Variants in KATNBL1 observed in about 807,000 individuals in gnomAD.
KATNBL1 encodes the protein KATNB1-like protein 1.
KATNBL1 carries 28 observed loss-of-function variants against 44.7 expected under a neutral mutation model. That is an observed-to-expected ratio of 0.63 (90% CI 0.46 to 0.86). The LOEUF (loss-of-function observed/expected upper bound fraction) is 0.86, where lower values mean the gene tolerates loss of function less well. Among genes scored for constraint, KATNBL1 ranks in the 40% least tolerant of loss-of-function variants. The pLI is 0.00. For synonymous variants in KATNBL1, 78 were observed against 114.9 expected (o/e 0.68, Z 2.06); for missense variants, 272 against 350.7 (o/e 0.78, Z 1.79).
intron 1 of KATNBL1, among the ~76,000 whole-genome samples, chr15:34,181,866 TATCC>T (rs1227323423): frequency 1.0e-4 from 12 of 119,794 alleles, no homozygotes; most frequent in African/African-American, 3.5e-4. Flanking sequence ...CATATATATA[TATCC>T]ATATATATAT....
chr15:34,184,468 AGAGT>A (rs1471949601), intron 1 of KATNBL1, among the ~76,000 whole-genome samples: 5 of 149,720 alleles, frequency 3.3e-5, no homozygotes, highest in African/African-American at 4.9e-5. Context: ...CCTGGGCAAC[AGAGT>A]GAGATTCCAT....
chr15:34,142,221 A>C lies in KATNBL1; in HGVS notation c.*118T>G. On this transcript the variant is annotated 3_prime_UTR_variant, in exon 10 of 10. Coordinates refer to ENST00000256544, the MANE Select transcript of KATNBL1 (RefSeq NM_024713.3). Reference sequence around the variant, plus strand: ...TTCATTACGTGGCTTTTTAAAAGAAAAAATAGTTTTGATTTCTTCCACAGT... The same window carrying C: ...TTCATTACGTGGCTTTTTAAAAGAACAAATAGTTTTGATTTCTTCCACAGT... 4 of 1,075,218 alleles carry C rather than the reference A, an allele frequency of 3.7e-6. No individual in the cohort carries two copies. Among genetic ancestry groups the C allele is most frequent in the Non-Finnish European group, 5.0e-6 (4 of 799,422 alleles). The allele number at this position is 1,075,218 out of a possible 1,614,324, so 66.6% of individuals were successfully genotyped here.
At chr15:34,178,617 G>A (rs567811527) in intron 1 of KATNBL1, among the ~76,000 whole-genome samples, 19 of 152,196 alleles carry the variant, frequency 1.2e-4, no homozygotes, top group African/African-American at 4.3e-4. Context: ...TTAGCCAGGT[G>A]TGGTGGTGGG....
intron 1 of KATNBL1, among the ~76,000 whole-genome samples, chr15:34,177,190 G>C (rs1385845115): frequency 6.6e-6 from 1 of 152,186 alleles, no homozygotes; most frequent in African/African-American, 2.4e-5. Context: ...TACAGTGTTT[G>C]CTAATACCCT....
Position 34,163,592 on chromosome 15 carries a change from T to A in KATNBL1, c.85A>T (p.Ile29Phe). The A allele has an allele frequency of 6.3e-7, 1 of 1,597,442 alleles. No individual in the cohort carries two copies. The highest frequency in any genetic ancestry group is 1.2e-5 in the South Asian group (1 of 86,924). Residue 29 changes from isoleucine to phenylalanine, a missense_variant, in exon 2 of 10, where the codon ATC (isoleucine) becomes TTC (phenylalanine). This residue lies in a region of KATNBL1 where 122 missense variants were observed against 125.0 expected (regional missense o/e 0.98). Transcript: ENST00000256544. ...DHFIDLPRKK[I>F]SNFTNKNMKE... ...ATGTTCTTATTAGTGAAATTAGAGA[T>A]CTTTTTTCTAGGAAGATCAATGAAA...
At chr15:34,165,263 C>G (rs1888930218) in intron 1 of KATNBL1, among the ~76,000 whole-genome samples, 1 of 151,942 alleles carries the variant, frequency 6.6e-6, no homozygotes, top group East Asian at 1.9e-4. Flanking sequence ...TTAAATGAGG[C>G]TAGAGATAGA....
rs919586746 is a variant in KATNBL1, at chr15:34,148,574, C to T, written c.557+58G>A. 10 of 1,014,210 alleles carry T rather than the reference C, an allele frequency of 9.9e-6. No homozygotes were observed. The African/African-American group carries it at 1.6e-4, about 16-fold the overall frequency. The allele number at this position is 1,014,210 out of a possible 1,614,324, so 62.8% of individuals were successfully genotyped here. ...CTGTACTCCAACTTGGATGACAAAG[C>T]AAGAACTTGTCTCAGAAAAAAAGTG... On this transcript the variant is annotated intron_variant, in intron 5 of 9. Transcript: ENST00000256544.
At chr15:34,189,027 C>T (rs866912265) in intron 1 of KATNBL1, among the ~76,000 whole-genome samples, 5 of 152,256 alleles carry the variant, frequency 3.3e-5, no homozygotes, top group South Asian at 2.1e-4. Flanking sequence ...GAATTTCATA[C>T]AACCTGGAAC....
At chr15:34,150,712 A>T (rs1888443481) in intron 4 of KATNBL1, among the ~76,000 whole-genome samples, 1 of 152,330 alleles carries the variant, frequency 6.6e-6, no homozygotes, top group Admixed American at 6.5e-5. Context: ...CACACAGGTA[A>T]TAAGCATAGT....
chr15:34,179,533 T>C (rs1210765445), intron 1 of KATNBL1, among the ~76,000 whole-genome samples: 2 of 152,114 alleles, frequency 1.3e-5, no homozygotes, highest in African/African-American at 4.8e-5. Context: ...TAAAGTCTCA[T>C]AGGTTGCCCA....
At chr15:34,198,906 TG>T (rs1219392623) in intron 1 of KATNBL1, among the ~76,000 whole-genome samples, 1 of 152,224 alleles carries the variant, frequency 6.6e-6, no homozygotes, top group Non-Finnish European at 1.5e-5. Flanking sequence ...CTGTTGACCT[TG>T]CTAGTTTTGT....
chr15:34,189,947 C>T (rs377699802), intron 1 of KATNBL1, among the ~76,000 whole-genome samples: 2,991 of 141,942 alleles, frequency 0.021, 49 homozygotes, highest in Non-Finnish European at 0.033. Flanking sequence ...GAAGTACATT[C>T]TTTTTTTTTT....
intron 1 of KATNBL1, among the ~76,000 whole-genome samples, chr15:34,177,410 C>T (rs568964697): frequency 1.3e-5 from 2 of 152,020 alleles, no homozygotes; most frequent in African/African-American, 4.8e-5. Flanking sequence ...TTTGGGCGGC[C>T]GAGGTGGGTG....
intron 1 of KATNBL1, among the ~76,000 whole-genome samples, chr15:34,170,062 C>G (rs1411527327): frequency 1.3e-5 from 2 of 152,162 alleles, no homozygotes; most frequent in African/African-American, 2.4e-5. Context: ...CACTCCTATT[C>G]AACACAGTGT....
At chr15:34,159,038 C>T (rs1326364114) in intron 2 of KATNBL1, among the ~76,000 whole-genome samples, 1 of 152,192 alleles carries the variant, frequency 6.6e-6, no homozygotes, top group Non-Finnish European at 1.5e-5. Flanking sequence ...AACAGGATAG[C>T]TTCGTATTTT....
chr15:34,143,021 A>G (rs1048217925), intron 9 of KATNBL1: 1 of 1,250,528 alleles, frequency 8.0e-7, no homozygotes, highest in Non-Finnish European at 1.0e-6. Flanking sequence ...TCTTCTTTCA[A>G]TTTCTATACT....
chr15:34,182,545 T>C (rs1889598797), intron 1 of KATNBL1, among the ~76,000 whole-genome samples: 2 of 152,056 alleles, frequency 1.3e-5, no homozygotes, highest in African/African-American at 2.4e-5. Context: ...GCTGGGACAA[T>C]AGGCATAAAT....
intron 1 of KATNBL1, among the ~76,000 whole-genome samples, chr15:34,181,618 ACATATATATGTC>A (rs1341806546): frequency 7.1e-5 from 8 of 113,122 alleles, no homozygotes; most frequent in African/African-American, 2.2e-4. Flanking sequence ...ATATATATAC[ACATATATATGTC>A]CATATATATA....
chr15:34,155,635 C>T (rs1888615818), intron 2 of KATNBL1, among the ~76,000 whole-genome samples: 1 of 152,198 alleles, frequency 6.6e-6, no homozygotes, highest in Non-Finnish European at 1.5e-5. Context: ...GAAGGTACAA[C>T]ACTGAGTTTT....
Sources: allele counts gnomAD v4.1 joint callset (sites outside exome capture counted in the v4.1 genomes callset), GRCh38; gene constraint gnomAD v4.1.1; regional missense constraint gnomAD v4.1.1; transcripts MANE v1.5; gene names NCBI Gene and HGNC (gene_info 2026-07-23, HGNC 2026-07-21).